Variants in CCBE1 observed in about 807,000 individuals in gnomAD.
CCBE1 encodes the protein collagen and calcium binding EGF domains 1, also known as collagen and calcium-binding EGF domain-containing protein 1.
Under a neutral mutation model 50.0 loss-of-function variants are expected in CCBE1, and 37 were observed. The observed-to-expected ratio is 0.74, with a 90% confidence interval of 0.57 to 0.97. The LOEUF (loss-of-function observed/expected upper bound fraction) is 0.97. Ranked by LOEUF, CCBE1 falls within the 50% of genes least tolerant of loss-of-function variation. The pLI is 0.00. For missense variants in CCBE1, 538 were observed against 523.8 expected, an observed-to-expected ratio of 1.03 and a Z score of -0.26; for synonymous variants, 234 against 203.7, an observed-to-expected ratio of 1.15 and a Z score of -1.27.
At chr18:59,666,040 G>C (rs1292226849) in intron 2 of CCBE1, 1 of 152,290 alleles carries the variant, frequency 6.6e-6, no homozygotes. Flanking sequence ...CCCGAGACTC[G>C]GCGATTTACA....
intron 2 of CCBE1, among the ~76,000 whole-genome samples, chr18:59,547,924 C>T (rs538338500): frequency 2.0e-5 from 3 of 152,212 alleles, no homozygotes; most frequent in Non-Finnish European, 4.4e-5. Context: ...TAAGAACACA[C>T]GGGCATTTTG....
intron 2 of CCBE1, among the ~76,000 whole-genome samples, chr18:59,585,778 C>G (rs1006381476): frequency 1.3e-5 from 2 of 152,216 alleles, no homozygotes; most frequent in African/African-American, 4.8e-5. Flanking sequence ...CTTGTACAAA[C>G]AGCTTAATCC....
Position 59,439,916 on chromosome 18 carries a change from C to T in CCBE1, c.776-100G>A, listed in dbSNP as rs1910343230. ...ACCCCTGCAGCCATTTCTCTTTGTA[C>T]TCTCTCTGCCTTTGCCTTCTGACAT... On this transcript the variant is annotated intron_variant, in intron 7 of 10. Coordinates refer to ENST00000439986, the MANE Select transcript of CCBE1 (RefSeq NM_133459.4). The T allele has an allele frequency of 6.2e-6, 8 of 1,287,714 alleles. No individual in the cohort carries two copies. In the Admixed American group the frequency reaches 1.6e-4, roughly 25 times the overall value. 79.8% of individuals were successfully genotyped at this position (1,287,714 alleles called of 1,614,324 possible). A position where few individuals can be genotyped will look rare whatever the true frequency, so the allele number is the denominator to read the frequency against.
chr18:59,542,696 C>A (rs573122974), intron 2 of CCBE1, among the ~76,000 whole-genome samples: 65 of 152,170 alleles, frequency 4.3e-4, no homozygotes, highest in Non-Finnish European at 3.2e-4. Flanking sequence ...GCCAAGAGTC[C>A]AAGAAAGTAC....
At chr18:59,585,376 GATT>G (rs2053163831) in intron 2 of CCBE1, among the ~76,000 whole-genome samples, 1 of 152,012 alleles carries the variant, frequency 6.6e-6, no homozygotes, top group Non-Finnish European at 1.5e-5. Context: ...GTGAACATCT[GATT>G]ATTATCTGCC....
chr18:59,534,250 C>T (rs1915159132), intron 2 of CCBE1, among the ~76,000 whole-genome samples: 1 of 152,206 alleles, frequency 6.6e-6, no homozygotes, highest in African/African-American at 2.4e-5. Context: ...ACTTCGGTAT[C>T]ATGTACTAAA....
chr18:59,565,999 G>A (rs145667792), intron 2 of CCBE1, among the ~76,000 whole-genome samples: 5 of 152,168 alleles, frequency 3.3e-5, no homozygotes, highest in African/African-American at 1.2e-4. Flanking sequence ...AGACCCAAAA[G>A]GCAGTGTTAA....
chr18:59,545,337 T>TTCAGAA (rs71302778), intron 2 of CCBE1, among the ~76,000 whole-genome samples: 3,489 of 152,292 alleles, frequency 0.023, 94 homozygotes, highest in East Asian at 0.12. Context: ...AAACTCAGTA[T>TTCAGAA]GCACTCTCAA....
chr18:59,655,915 T>A (rs1397216521), intron 2 of CCBE1, among the ~76,000 whole-genome samples: 2 of 152,130 alleles, frequency 1.3e-5, no homozygotes, highest in Non-Finnish European at 2.9e-5. Context: ...AACACCACAT[T>A]CCCTTTTCAT....
chr18:59,570,575 G>A (rs1168735547), intron 2 of CCBE1, among the ~76,000 whole-genome samples: 1 of 152,126 alleles, frequency 6.6e-6, no homozygotes, highest in Admixed American at 6.5e-5. Flanking sequence ...TTGTTACCAG[G>A]ATCCCTGAGA....
intron 2 of CCBE1, among the ~76,000 whole-genome samples, chr18:59,575,052 G>C (rs1042563822): frequency 6.6e-6 from 1 of 152,148 alleles, no homozygotes; most frequent in South Asian, 2.1e-4. Flanking sequence ...GCAGAGGATC[G>C]GGGCGATTCT....
At chr18:59,526,348 C>T (rs1179986901) in intron 2 of CCBE1, among the ~76,000 whole-genome samples, 8 of 145,886 alleles carry the variant, frequency 5.5e-5, no homozygotes, top group South Asian at 4.3e-4. Context: ...CTCACTCTGT[C>T]GGCACGGCTG....
At chr18:59,696,091 G>A (rs1483610150) in intron 2 of CCBE1, among the ~76,000 whole-genome samples, 1 of 151,640 alleles carries the variant, frequency 6.6e-6, no homozygotes, top group Non-Finnish European at 1.5e-5. Context: ...GTGAATCTGT[G>A]GCCCACATTT....
chr18:59,438,643 C>A (rs1343967809), intron 9 of CCBE1, among the ~76,000 whole-genome samples: 7 of 152,220 alleles, frequency 4.6e-5, no homozygotes, highest in African/African-American at 1.7e-4. Flanking sequence ...TTAAAATTTA[C>A]AGGGGTCACT....
intron 5 of CCBE1, 92 bp downstream of exon 5, chr18:59,466,647 A>C: frequency 1.6e-6 from 1 of 614,372 alleles, no homozygotes; most frequent in African/African-American, 2.0e-5. Flanking sequence ...TTATATAATC[A>C]TATCTATATA....
intron 2 of CCBE1, among the ~76,000 whole-genome samples, chr18:59,612,321 G>GAAAAA (rs1157173764): frequency 9.4e-6 from 1 of 106,210 alleles, no homozygotes; most frequent in African/African-American, 3.5e-5. Flanking sequence ...AAAAAGGGAA[G>GAAAAA]AAAAAAAAGA....
chr18:59,498,954 C>A (rs918971713), intron 2 of CCBE1, among the ~76,000 whole-genome samples: 1 of 152,178 alleles, frequency 6.6e-6, no homozygotes, highest in Non-Finnish European at 1.5e-5. Flanking sequence ...TTGGAGAGAA[C>A]AGTTTTTCCT....
chr18:59,580,738 C>T (rs545644861), intron 2 of CCBE1, among the ~76,000 whole-genome samples: 1 of 152,240 alleles, frequency 6.6e-6, no homozygotes, highest in Non-Finnish European at 1.5e-5. Context: ...TCACTTCCAA[C>T]ATTTTACATT....
At chr18:59,499,333 G>A (rs78061721) in intron 2 of CCBE1, among the ~76,000 whole-genome samples, 2 of 152,144 alleles carry the variant, frequency 1.3e-5, no homozygotes, top group African/African-American at 4.8e-5. Flanking sequence ...TTCGTGGTGA[G>A]GGAAGGGAGG....
Sources: gnomAD v4.1 joint callset for allele counts (sites outside exome capture counted in the v4.1 genomes callset) on GRCh38, gnomAD v4.1.1 for gene constraint, MANE v1.5 for transcripts, NCBI Gene and HGNC (gene_info 2026-07-23, HGNC 2026-07-21) for gene names.